The following ZNF429 variants were observed in gnomAD, a reference collection of about 807,000 sequenced individuals.
ZNF429 encodes the protein zinc finger protein 429.
In ZNF429, 53 loss-of-function variants were observed where a neutral mutation model predicts 56.8. The observed-to-expected ratio is 0.93, with a 90% CI of 0.75 to 1.17. The LOEUF is 1.17. ZNF429 is among the 50% of genes most tolerant of loss of function. The pLI is 0.00. For synonymous variants in ZNF429, 278 were observed against 264.7 expected, an observed-to-expected ratio of 1.05 and a Z score of -0.49; for missense variants, 849 against 788.4, an observed-to-expected ratio of 1.08 and a Z score of -0.92.
intron 1 of ZNF429, chr19:21,519,109 G>A (rs1363376942): frequency 6.6e-6 from 1 of 152,150 alleles, no homozygotes; most frequent in Non-Finnish European, 1.5e-5. Context: ...CTGCCTCAAG[G>A]TGGGAAATTA....
At chr19:21,506,392 A>G (rs1221761317) in intron 1 of ZNF429, among the ~76,000 whole-genome samples, 3 of 151,250 alleles carry the variant, frequency 2.0e-5, no homozygotes, top group Non-Finnish European at 4.4e-5. Context: ...CAGGAGACCA[A>G]GATTGTGCCA....
At chr19:21,512,916 C>A (rs573512112) in intron 1 of ZNF429, among the ~76,000 whole-genome samples, 1 of 150,690 alleles carries the variant, frequency 6.6e-6, no homozygotes. Flanking sequence ...CTGTCTTGCA[C>A]GCTGGAGTGC....
rs1273468886 is a variant in ZNF429 at position 21,537,084 on chromosome 19, A to G, written c.1031A>G (p.Glu344Gly). The change falls in exon 4 of 4, where the codon GAA becomes GGA. Residue 344 changes from glutamate to glycine, a missense_variant. Glu to Gly is a moderately conservative substitution (Grantham distance 98). Transcript: ENST00000358491. ...IHTGEKPYKC[E>G]ECGKAFNWSS... The stretch of plus-strand genomic sequence containing the variant: ...ACTGGTGAGAAACCCTACAAATGTG[A>G]AGAATGTGGCAAAGCCTTTAACTGG... The G allele has an allele frequency of 1.2e-6, 2 of 1,613,896 alleles. No individual in the cohort carries two copies.
At chr19:21,510,883 G>A (rs1161670884) in intron 1 of ZNF429, among the ~76,000 whole-genome samples, 1 of 151,742 alleles carries the variant, frequency 6.6e-6, no homozygotes, top group East Asian at 1.9e-4. Flanking sequence ...GTTTCAGAGA[G>A]CACAGGGTTG....
chr19:21,509,154 G>A (rs1179122718), intron 1 of ZNF429, among the ~76,000 whole-genome samples: 3 of 151,814 alleles, frequency 2.0e-5, no homozygotes, highest in East Asian at 3.9e-4. Flanking sequence ...AACTACAGGC[G>A]CACACTGTCG....
At position 21,537,632 on chromosome 19, in the gene ZNF429, CA is replaced by C. The variant is rs199679715; in HGVS notation, c.1580del (p.His527LeufsTer157). On this transcript the variant is annotated frameshift_variant, in exon 4 of 4. Coordinates refer to ENST00000358491, the MANE Select transcript of ZNF429 (RefSeq NM_001001415.4). LOFTEE classifies it high-confidence loss of function. ...AFILSSRLTQ[H>X]KKIHTGEKPY... ...TATCCTGTCCTCAAGACTTACTCAA[CA>C]TAAGAAAATTCATACTGGAGAGAAA... The C allele has an allele frequency of 0.018, 28,248 of 1,613,320 alleles. 324 individuals are homozygous for C. The highest frequency in any genetic ancestry group is 0.02 in the Non-Finnish European group (23,880 of 1,179,880).
Position 21,520,849 on chromosome 19 carries a change from GTTA to G in ZNF429, c.4-8804_4-8802del, listed in dbSNP as rs369649695. 3.9e-3 allele frequency among the ~76,000 whole-genome samples: 596 copies of G among 152,276 alleles called. 6 individuals are homozygous for G. Among genetic ancestry groups the G allele is most frequent in the Middle Eastern group, 0.01 (3 of 294 alleles). On this transcript the variant is annotated intron_variant, in intron 1 of 3. Transcript: ENST00000358491. ...TTATTACTTCAGAACAATTAACATA[GTTA>G]TTATGTGTAGTGTTTGTCAACAACC...
At chr19:21,531,770 C>CA in intron 3 of ZNF429, among the ~76,000 whole-genome samples, 1 of 150,112 alleles carries the variant, frequency 6.7e-6, no homozygotes, top group Non-Finnish European at 1.5e-5. Context: ...CATGCCACTG[C>CA]ACTCCAGCCT....
At chr19:21,530,183 T>C in intron 2 of ZNF429, among the ~76,000 whole-genome samples, 2 of 140,446 alleles carry the variant, frequency 1.4e-5, no homozygotes, top group Non-Finnish European at 3.0e-5. Context: ...AGAGCGAGAC[T>C]CCATCTCAAA....
intron 3 of ZNF429, among the ~76,000 whole-genome samples, chr19:21,531,103 T>A: frequency 7.3e-5 from 3 of 40,994 alleles, no homozygotes; most frequent in South Asian, 1.0e-3. Context: ...TGAAACTCCA[T>A]CTCAAAAAAA....
intron 3 of ZNF429, 37 bp downstream of exon 3, chr19:21,530,721 G>C: frequency 6.8e-7 from 1 of 1,476,374 alleles, no homozygotes; most frequent in East Asian, 2.3e-5. Context: ...ACACAGATGA[G>C]AGGTCCCAAG....
chr19:21,511,186 T>C (rs1450972513), intron 1 of ZNF429, among the ~76,000 whole-genome samples: 3 of 144,282 alleles, frequency 2.1e-5, no homozygotes, highest in South Asian at 2.3e-4. Context: ...ACCTCCCGGA[T>C]GGGGCGGCTG....
intron 1 of ZNF429, among the ~76,000 whole-genome samples, chr19:21,528,019 T>A (rs1389597684): frequency 6.6e-6 from 1 of 152,212 alleles, no homozygotes; most frequent in Non-Finnish European, 1.5e-5. Flanking sequence ...CTTATGATAG[T>A]CAAGGGTCTC....
intron 1 of ZNF429, among the ~76,000 whole-genome samples, chr19:21,511,753 C>T (rs563240547): frequency 2.6e-5 from 4 of 152,104 alleles, no homozygotes; most frequent in South Asian, 4.2e-4. Context: ...TGTAGCGAGC[C>T]GAGATCACGC....
chr19:21,535,346 T>TC, intron 3 of ZNF429, among the ~76,000 whole-genome samples: 7 of 104,618 alleles, frequency 6.7e-5, no homozygotes, highest in South Asian at 2.9e-4. Context: ...TTTCTTTCCT[T>TC]TCCTTTCTTT....
chr19:21,519,586 C>T (rs1268498418), intron 1 of ZNF429, among the ~76,000 whole-genome samples: 3 of 152,168 alleles, frequency 2.0e-5, no homozygotes, highest in Non-Finnish European at 2.9e-5. Context: ...CACTTTGTGC[C>T]ACTGTAGGCT....
intron 1 of ZNF429, among the ~76,000 whole-genome samples, chr19:21,511,213 C>T (rs1178858248): frequency 6.6e-6 from 1 of 150,890 alleles, no homozygotes; most frequent in Non-Finnish European, 1.5e-5. Flanking sequence ...CGGGGGCTGA[C>T]CCCCCACCTC....
Position 21,537,975 on chromosome 19 carries a change from A to G in ZNF429, c.1922A>G (p.Lys641Arg), listed in dbSNP as rs371952334. Residue 641 changes from lysine to arginine, a missense_variant, in exon 4 of 4, where the codon AAA becomes AGA. Transcript: ENST00000358491. ...TCTTCAAGACTTACTCAACATAAGA[A>G]AATTCATAGGATGGGTGTGGTGGCT... ...TRSSRLTQHK[K>R]IHRMGVVAHA... 1.9e-5 allele frequency: 30 copies of G among 1,614,104 alleles called. No homozygotes were observed. The highest frequency in any genetic ancestry group is 2.5e-5 in the Non-Finnish European group (29 of 1,180,026).
intron 1 of ZNF429, among the ~76,000 whole-genome samples, chr19:21,514,281 T>C (rs2032636370): frequency 6.6e-6 from 1 of 151,964 alleles, no homozygotes; most frequent in Non-Finnish European, 1.5e-5. Flanking sequence ...GATTATTTTG[T>C]CACTGAGGTA....
Sources: gnomAD v4.1 joint callset for allele counts (sites outside exome capture counted in the v4.1 genomes callset) on GRCh38, gnomAD v4.1.1 for gene constraint, MANE v1.5 for transcripts, NCBI Gene and HGNC (gene_info 2026-07-23, HGNC 2026-07-21) for gene names.